IL1R1: variants seen among roughly 807,000 people sequenced by gnomAD.
The protein encoded by IL1R1 is interleukin-1 receptor type 1.
In IL1R1, 22 loss-of-function variants were observed where a neutral mutation model predicts 50.2. The observed-to-expected ratio is 0.44, with a 90% CI of 0.31 to 0.63. The LOEUF is 0.63. Among genes scored for constraint, IL1R1 ranks in the 20% least tolerant of loss-of-function variants. IL1R1 has a pLI of 0.07. For missense variants in IL1R1, 509 were observed against 676.2 expected, an observed-to-expected ratio of 0.75 and a Z score of 2.74; for synonymous variants, 251 against 236.7, an observed-to-expected ratio of 1.06 and a Z score of -0.55.
At chr2:102,132,592 G>A (rs1381198781) in intron 1 of IL1R1, among the ~76,000 whole-genome samples, 1 of 152,028 alleles carries the variant, frequency 6.6e-6, no homozygotes, top group African/African-American at 2.4e-5. Flanking sequence ...GATCAAAGCA[G>A]AAAGCAACTA....
chr2:102,120,767 G>A (rs1430165214), intron 1 of IL1R1, among the ~76,000 whole-genome samples: 1 of 152,064 alleles, frequency 6.6e-6, no homozygotes, highest in African/African-American at 2.4e-5. Flanking sequence ...ATCCCTCCAC[G>A]CTCTGCAGGT....
intron 1 of IL1R1, among the ~76,000 whole-genome samples, chr2:102,147,211 A>G (rs986623807): frequency 6.6e-6 from 1 of 152,174 alleles, no homozygotes; most frequent in Non-Finnish European, 1.5e-5. Context: ...AATTTATGGA[A>G]CTGTCCACGT....
chr2:102,103,990 GAAAAA>G (rs72041212), upstream of IL1R1, among the ~76,000 whole-genome samples: 29 of 83,966 alleles, frequency 3.5e-4, no homozygotes, highest in East Asian at 8.6e-3. Context: ...GACTGTCTCA[GAAAAA>G]AAAAAAAAAA....
chr2:102,119,714 G>GATTT (rs75254835), intron 1 of IL1R1, among the ~76,000 whole-genome samples: 26,866 of 152,040 alleles, frequency 0.18, 2,483 homozygotes, highest in South Asian at 0.21. Context: ...ACAACATGAG[G>GATTT]ATTTGTTGTA....
At chr2:102,097,132 T>C (rs1679939264) in intron 1 of IL1R1, among the ~76,000 whole-genome samples, 2 of 152,340 alleles carry the variant, frequency 1.3e-5, no homozygotes, top group African/African-American at 4.8e-5. Flanking sequence ...TGGCTCTTTT[T>C]CGTGGTTCTT....
intron 1 of IL1R1, among the ~76,000 whole-genome samples, chr2:102,091,921 T>C (rs941113510): frequency 5.9e-5 from 9 of 152,212 alleles, no homozygotes; most frequent in Non-Finnish European, 1.3e-4. Context: ...ATGTAATGAC[T>C]TCCAGTTCCA....
chr2:102,134,381 T>C (rs1004091050), intron 1 of IL1R1, among the ~76,000 whole-genome samples: 4 of 144,676 alleles, frequency 2.8e-5, no homozygotes, highest in African/African-American at 1.1e-4. Context: ...TTCTTTTCTT[T>C]CTTTTTTTTT....
intron 8 of IL1R1, chr2:102,172,410 C>G (rs1008426337): frequency 1.0e-6 from 1 of 985,194 alleles, no homozygotes; most frequent in African/African-American, 1.7e-5. Context: ...CCTCTGTGCC[C>G]CATGGAGAAC....
upstream of IL1R1, among the ~76,000 whole-genome samples, chr2:102,102,726 T>G (rs1434734252): frequency 6.6e-6 from 1 of 152,032 alleles, no homozygotes; most frequent in Non-Finnish European, 1.5e-5. Context: ...CTATTCTCAA[T>G]AGCAAAGACA....
At position 102,083,306 on chromosome 2, in the gene IL1R1, C is replaced by T. The variant is rs149014435; in HGVS notation, c.-84+12773C>T. Among the ~76,000 whole-genome samples, 974 of 152,262 alleles carry T rather than the reference C, an allele frequency of 6.4e-3. 9 individuals are homozygous for T. The highest frequency in any genetic ancestry group is 0.021 in the African/African-American group (866 of 41,546). ...TAATTCTCCACACATCAGCTGATGACTCGTACTGACAGTGTCTAGAATAGA... is the reference window on the plus strand; with the variant it reads ...TAATTCTCCACACATCAGCTGATGATTCGTACTGACAGTGTCTAGAATAGA... On this transcript the variant is annotated intron_variant, in intron 1 of 11. Coordinates refer to the IL1R1 transcript ENST00000409929.
chr2:102,132,114 C>T (rs1428770372), intron 1 of IL1R1, among the ~76,000 whole-genome samples: 1 of 151,522 alleles, frequency 6.6e-6, no homozygotes, highest in East Asian at 1.9e-4. Flanking sequence ...AAAACAAAGA[C>T]ACAATAAAGC....
chr2:102,160,995 A>T (rs3917258), intron 3 of IL1R1, among the ~76,000 whole-genome samples: 2,284 of 152,210 alleles, frequency 0.015, 67 homozygotes, highest in African/African-American at 0.052. Context: ...TTACTTTGGA[A>T]TTACTTTGTT....
chr2:102,171,951 G>A, intron 8 of IL1R1, 33 bp downstream of exon 8: 1 of 1,086,370 alleles, frequency 9.2e-7, no homozygotes, highest in Non-Finnish European at 1.3e-6. Context: ...ACATTTTGGT[G>A]TTAAATCCCA....
rs1686329352 is a variant in IL1R1, at chr2:102,178,535, C to T, written c.*1776C>T. 1 of 152,278 alleles carries T rather than the reference C, an allele frequency of 6.6e-6. No homozygotes were observed. Among genetic ancestry groups the T allele is most frequent in the African/African-American group, 2.4e-5 (1 of 41,412 alleles). The allele number at this position is 152,278 out of a possible 1,614,324, so 9.4% of individuals were successfully genotyped here. A position where few individuals can be genotyped will look rare whatever the true frequency, so the allele number is the denominator to read the frequency against. ...CTAGGACTTGAGCCTCCATTTCTGG[C>T]TTCTAGTCTGGTGTTCTGAGTACTT... On this transcript the variant is annotated 3_prime_UTR_variant, in exon 12 of 12. Transcript: ENST00000410023.
chr2:102,173,140 T>C (rs895289828), intron 9 of IL1R1, among the ~76,000 whole-genome samples: 2 of 152,204 alleles, frequency 1.3e-5, no homozygotes, highest in African/African-American at 4.8e-5. Context: ...TAACTATAAA[T>C]TCTGTGATGG....
chr2:102,103,921 G>A (rs1000933967), upstream of IL1R1, among the ~76,000 whole-genome samples: 16 of 148,802 alleles, frequency 1.1e-4, no homozygotes, highest in African/African-American at 4.0e-4. Context: ...AACCTGGGAA[G>A]CAGGGGTTGC....
chr2:102,132,034 C>T (rs1427723836), intron 1 of IL1R1, among the ~76,000 whole-genome samples: 1 of 151,898 alleles, frequency 6.6e-6, no homozygotes, highest in Non-Finnish European at 1.5e-5. Context: ...GAGTTTGGAG[C>T]ATGATCTCTA....
rs908511411 is a variant in IL1R1, at chr2:102,178,595, C to T, written c.*1836C>T. On this transcript the variant is annotated 3_prime_UTR_variant, in exon 12 of 12. Transcript: ENST00000410023. ...TCAATAACGGTCCCCCCTCACTCCA[C>T]ACTGGCACGTTTGTGAGAAGAAATG... is the stretch of plus-strand genomic sequence containing the variant. The T allele has an allele frequency of 6.6e-6, 1 of 152,284 alleles. No individual in the cohort carries two copies. The highest frequency in any genetic ancestry group is 1.5e-5 in the Non-Finnish European group (1 of 68,018). The allele number at this position is 152,284 out of a possible 1,614,324, so 9.4% of individuals were successfully genotyped here. A position where few individuals can be genotyped will look rare whatever the true frequency, so the allele number is the denominator to read the frequency against.
chr2:102,123,634 T>C (rs573720962), intron 1 of IL1R1, among the ~76,000 whole-genome samples: 46 of 151,786 alleles, frequency 3.0e-4, no homozygotes, highest in African/African-American at 1.0e-3. Flanking sequence ...AAATGTTAGC[T>C]GGTCATGGTG....
Sources: allele counts gnomAD v4.1 joint callset (sites outside exome capture counted in the v4.1 genomes callset), GRCh38; gene constraint gnomAD v4.1.1; transcripts MANE v1.5; gene names NCBI Gene and HGNC (gene_info 2026-07-23, HGNC 2026-07-21).